The following SCN10A variants were observed in gnomAD, a reference collection of about 807,000 sequenced individuals.
SCN10A encodes sodium channel protein type 10 subunit alpha.
A neutral mutation model predicts 170.7 loss-of-function variants in SCN10A; 162 were observed. The ratio of observed to expected loss-of-function variants is 0.95; its 90% CI spans 0.84 to 1.08. The LOEUF is 1.08. Among genes scored for constraint, SCN10A ranks in the 50% least tolerant of loss-of-function variants. The probability of loss-of-function intolerance (pLI) is 0.00; values close to 1 mark genes in which losing one functional copy is unlikely to be tolerated. For synonymous variants in SCN10A, 985 were observed against 904.6 expected, an observed-to-expected ratio of 1.09 and a Z score of -1.59; for missense variants, 2,527 against 2,436.9, an observed-to-expected ratio of 1.04 and a Z score of -0.78.
chr3:38,746,059 A>ATGTGTGTATATATATATGTG (rs1171627666), intron 13 of SCN10A, among the ~76,000 whole-genome samples: 9,423 of 64,300 alleles, frequency 0.15, 1,649 homozygotes, highest in East Asian at 0.36. Flanking sequence ...ATGTGTGTGT[A>ATGTGTGTATATATATATGTG]TGTGTATATA....
intron 15 of SCN10A, among the ~76,000 whole-genome samples, chr3:38,735,481 G>T (rs2063551711): frequency 6.6e-6 from 1 of 152,202 alleles, no homozygotes; most frequent in Non-Finnish European, 1.5e-5. Flanking sequence ...ATTATGTAAA[G>T]ATTATAAGTC....
At chr3:38,782,184 C>A (rs945722691) in intron 4 of SCN10A, among the ~76,000 whole-genome samples, 1 of 151,990 alleles carries the variant, frequency 6.6e-6, no homozygotes, top group Admixed American at 6.6e-5. Flanking sequence ...TCTTTAACTT[C>A]TTGTTATTAT....
chr3:38,719,584 G>A (rs1424480051), intron 20 of SCN10A, among the ~76,000 whole-genome samples: 11 of 151,496 alleles, frequency 7.3e-5, no homozygotes, highest in Admixed American at 4.6e-4. Flanking sequence ...TAGTAGAGAC[G>A]GGGTTTCACC....
At chr3:38,757,347 C>G (rs2063820204) in intron 8 of SCN10A, among the ~76,000 whole-genome samples, 188 bp from the exon 9 acceptor site, 1 of 152,158 alleles carries the variant, frequency 6.6e-6, no homozygotes, top group African/African-American at 2.4e-5. Flanking sequence ...AACGGGGACG[C>G]TAATACTTTC....
At chr3:38,777,377 C>T (rs1291738949) in intron 4 of SCN10A, among the ~76,000 whole-genome samples, 1 of 151,738 alleles carries the variant, frequency 6.6e-6, no homozygotes, top group East Asian at 1.9e-4. Context: ...AATAAGTATT[C>T]AATAGGGCAA....
chr3:38,714,132 C>G, intron 21 of SCN10A, 52 bp from the exon 22 acceptor site: 1 of 1,603,574 alleles, frequency 6.2e-7, no homozygotes, highest in Non-Finnish European at 8.5e-7. Context: ...GAAAGGCAGT[C>G]CTCGTGGAAG....
intron 20 of SCN10A, among the ~76,000 whole-genome samples, chr3:38,720,567 C>CTAAA (rs2063379543): frequency 6.6e-6 from 1 of 151,888 alleles, no homozygotes. Flanking sequence ...AAGTGAAAGC[C>CTAAA]TAAAGAAGGC....
chr3:38,777,765 C>G (rs1386714639), intron 4 of SCN10A, among the ~76,000 whole-genome samples: 1 of 152,010 alleles, frequency 6.6e-6, no homozygotes, highest in African/African-American at 2.4e-5. Flanking sequence ...GAAACAGATT[C>G]AGTAGACATG....
chr3:38,710,892 G>T lies in SCN10A; in HGVS notation c.4095C>A (p.Thr1365=), dbSNP rs777516552. The change falls in exon 24 of 28, where the codon ACC becomes ACA. Residue 1365 remains threonine (T), a synonymous_variant. Transcript: ENST00000449082. The stretch of plus-strand genomic sequence containing the variant: ...ACATAATGTCCATCCAGCCTTTAAA[G>T]GTTGCCTGGAGACAAGGAGCAGAGG... ...MGYLALLQVA[T]FKGWMDIMYA... 1.6e-5 allele frequency: 26 copies of T among 1,613,554 alleles called. No individual in the cohort carries two copies. Among genetic ancestry groups the T allele is most frequent in the Non-Finnish European group, 2.1e-5 (25 of 1,179,798 alleles).
intron 4 of SCN10A, among the ~76,000 whole-genome samples, chr3:38,782,418 G>T (rs190317291): frequency 1.1e-3 from 167 of 152,056 alleles, no homozygotes; most frequent in African/African-American, 3.9e-3. Context: ...CCCACTTTTG[G>T]TCTTCCAAGT....
chr3:38,741,580 C>A (rs969059743), intron 14 of SCN10A, among the ~76,000 whole-genome samples: 1 of 152,094 alleles, frequency 6.6e-6, no homozygotes, highest in African/African-American at 2.4e-5. Flanking sequence ...GTGGGTGGGG[C>A]AAGGTTGGAG....
chr3:38,814,639 T>C (rs1322845874), intron 1 of SCN10A, among the ~76,000 whole-genome samples: 2 of 152,248 alleles, frequency 1.3e-5, no homozygotes, highest in Non-Finnish European at 2.9e-5. Flanking sequence ...AAATTATCCT[T>C]GTAGGTATGT....
intron 20 of SCN10A, among the ~76,000 whole-genome samples, chr3:38,721,278 G>A (rs1051813825): frequency 3.9e-5 from 6 of 152,182 alleles, no homozygotes; most frequent in Admixed American, 6.5e-5. Context: ...CACTGCAGCC[G>A]TGAATCGGAA....
rs1268831131 is a variant in SCN10A, at chr3:38,726,704, C to T, written c.2989G>A (p.Val997Met). ...TCAGATTCACCCTCAGCAATGGGCA[C>T]AGAGACCCACACAGTCGGATTAGCG... Reference protein sequence around the residue: ...FIANPTVWVSVPIAEGESDLD... With the variant: ...FIANPTVWVSMPIAEGESDLD... Residue 997 changes from valine to methionine, a missense_variant, in exon 17 of 28, where the codon GTG becomes ATG. Physicochemically the swap from Val to Met is conservative, Grantham distance 21. Transcript: ENST00000449082. 1 of 1,612,800 alleles carries T rather than the reference C, an allele frequency of 6.2e-7. No homozygotes were observed. The highest frequency in any genetic ancestry group is 8.5e-7 in the Non-Finnish European group (1 of 1,178,874).
chr3:38,713,956 A>G lies in SCN10A; in HGVS notation c.3804+2T>C, dbSNP rs909369746. The G allele has an allele frequency of 4.3e-6, 7 of 1,613,182 alleles. No individual in the cohort carries two copies. Among genetic ancestry groups the G allele is most frequent in the Non-Finnish European group, 5.9e-6 (7 of 1,180,006 alleles). ...TGAGAGAAGTTTTGAGATCAGACTT[A>G]CCCGCATGCCTTCAAATCGAGAAAG... On this transcript the variant is annotated splice_donor_variant, in intron 22 of 27. Coordinates refer to ENST00000449082, the MANE Select transcript of SCN10A (RefSeq NM_006514.4). LOFTEE classifies it high-confidence loss of function.
intron 26 of SCN10A, among the ~76,000 whole-genome samples, chr3:38,704,155 G>C (rs1457395893): frequency 1.3e-5 from 2 of 152,176 alleles, no homozygotes; most frequent in African/African-American, 2.4e-5. Context: ...AGCAAGCAGA[G>C]GGGGAAGTGC....
intron 13 of SCN10A, among the ~76,000 whole-genome samples, chr3:38,745,002 G>T (rs60773084): frequency 1.3e-4 from 20 of 152,268 alleles, no homozygotes; most frequent in African/African-American, 4.6e-4. Context: ...AACAATCCCT[G>T]TTTGGAACAA....
At chr3:38,770,826 A>G (rs1048433513) in intron 5 of SCN10A, among the ~76,000 whole-genome samples, 1 of 152,156 alleles carries the variant, frequency 6.6e-6, no homozygotes, top group African/African-American at 2.4e-5. Flanking sequence ...GGTGCCTGTG[A>G]GACATAGTCA....
chr3:38,812,591 T>C (rs73826373), intron 1 of SCN10A, among the ~76,000 whole-genome samples: 16,539 of 152,160 alleles, frequency 0.11, 990 homozygotes, highest in South Asian at 0.2. Context: ...GACTCTCCCA[T>C]GCCCCTTCCC....
Sources: gnomAD v4.1 joint callset for allele counts (sites outside exome capture counted in the v4.1 genomes callset) on GRCh38, gnomAD v4.1.1 for gene constraint, MANE v1.5 for transcripts, NCBI Gene and HGNC (gene_info 2026-07-23, HGNC 2026-07-21) for gene names.